The following ERAP1 variants were observed in gnomAD, a reference collection of about 807,000 sequenced individuals.
The protein encoded by ERAP1 is adipocyte-derived leucine aminopeptidase.
Under a neutral mutation model 103.7 loss-of-function variants are expected in ERAP1, and 86 were observed. The observed-to-expected ratio is 0.83, with a 90% confidence interval of 0.70 to 0.99. The LOEUF (loss-of-function observed/expected upper bound fraction) is 0.99, where lower values mean the gene tolerates loss of function less well. Ranked by LOEUF, ERAP1 falls within the 50% of genes least tolerant of loss-of-function variation. The pLI, the probability that ERAP1 is intolerant of heterozygous loss-of-function variation, is 0.00. For synonymous variants in ERAP1, 398 were observed against 402.4 expected (o/e 0.99, Z 0.13); for missense variants, 1,009 against 1,128.4 (o/e 0.89, Z 1.52).
At chr5:96,788,733 C>CT (rs1776385809) in intron 10 of ERAP1, 48 bp from the exon 11 acceptor site, 1 of 1,604,910 alleles carries the variant, frequency 6.2e-7, no homozygotes, top group African/African-American at 1.3e-5. Context: ...TAACCCAACT[C>CT]TAAGAAAAGA....
the ERAP1 span, among the ~76,000 whole-genome samples, chr5:96,863,467 T>C: frequency 1.3e-5 from 2 of 152,174 alleles, no homozygotes; most frequent in East Asian, 1.9e-4. Context: ...TTCATTTGTG[T>C]CTCCTGATCA....
the ERAP1 span, among the ~76,000 whole-genome samples, chr5:96,888,453 C>A: frequency 6.6e-6 from 1 of 152,188 alleles, no homozygotes. Context: ...TAAAATGGCA[C>A]CTGCTTCATA....
At chr5:96,916,251 A>C in the ERAP1 span, among the ~76,000 whole-genome samples, 13 of 151,750 alleles carry the variant, frequency 8.6e-5, no homozygotes, top group South Asian at 6.3e-4. Context: ...CAAAAACAAA[A>C]AACAACAGCA....
At chr5:96,904,034 G>A in the ERAP1 span, among the ~76,000 whole-genome samples, 12 of 152,096 alleles carry the variant, frequency 7.9e-5, no homozygotes, top group Non-Finnish European at 1.3e-4. Context: ...ACCAAATACC[G>A]GTGTAATCTC....
chr5:96,873,415 A>G, the ERAP1 span: 1 of 455,810 alleles, frequency 2.2e-6, no homozygotes, highest in Non-Finnish European at 4.4e-6. Flanking sequence ...TGTTAGCCTC[A>G]GATGAGTGCC....
the ERAP1 span, among the ~76,000 whole-genome samples, chr5:96,887,100 TACACACAC>T: frequency 3.5e-3 from 478 of 137,384 alleles, 7 homozygotes; most frequent in Admixed American, 0.022. Flanking sequence ...TATATATATA[TACACACAC>T]ACACACACAC....
At chr5:96,925,382 T>C in the ERAP1 span, among the ~76,000 whole-genome samples, 3 of 152,166 alleles carry the variant, frequency 2.0e-5, no homozygotes, top group Non-Finnish European at 2.9e-5. Flanking sequence ...GAGGCAGAAT[T>C]TGAACCCTTA....
chr5:96,811,433 T>C (rs1779149714), upstream of ERAP1, among the ~76,000 whole-genome samples: 1 of 152,212 alleles, frequency 6.6e-6, no homozygotes, highest in African/African-American at 2.4e-5. Flanking sequence ...GGATTAGAGA[T>C]GTGAAGTGAC....
chr5:96,888,423 T>A, the ERAP1 span, among the ~76,000 whole-genome samples: 1 of 152,222 alleles, frequency 6.6e-6, no homozygotes, highest in Non-Finnish European at 1.5e-5. Flanking sequence ...AATCATTATG[T>A]GTTTTTATTG....
the ERAP1 span, among the ~76,000 whole-genome samples, chr5:96,859,771 A>T: frequency 6.6e-6 from 1 of 152,330 alleles, no homozygotes; most frequent in African/African-American, 2.4e-5. Flanking sequence ...CAAGCCTAGT[A>T]GTACTTATGG....
the ERAP1 span, chr5:96,917,311 G>T: frequency 1.9e-6 from 1 of 533,550 alleles, no homozygotes; most frequent in Admixed American, 3.7e-5. Context: ...GTAGAGTCAG[G>T]GGTTCTGGCA....
At chr5:96,873,728 C>T in the ERAP1 span, 2 of 321,860 alleles carry the variant, frequency 6.2e-6, no homozygotes, top group Non-Finnish European at 1.2e-5. Context: ...TGCATTCACC[C>T]ACTCAACTAA....
the ERAP1 span, chr5:96,813,913 A>T: frequency 1.7e-5 from 3 of 173,008 alleles, no homozygotes; most frequent in Non-Finnish European, 3.7e-5. Context: ...TTTCCTTGTC[A>T]CTTTTTACTA....
the ERAP1 span, among the ~76,000 whole-genome samples, chr5:96,920,301 T>C: frequency 1.6e-5 from 2 of 125,182 alleles, no homozygotes; most frequent in Admixed American, 1.5e-4. Context: ...CTAGACCCTG[T>C]CATTTAAAAA....
chr5:96,823,565 T>C, the ERAP1 span, among the ~76,000 whole-genome samples: 2 of 152,206 alleles, frequency 1.3e-5, no homozygotes, highest in Non-Finnish European at 2.9e-5. Context: ...GTGCAAGAAA[T>C]ACACATTTTC....
At chr5:96,825,948 C>T in the ERAP1 span, among the ~76,000 whole-genome samples, 2 of 152,070 alleles carry the variant, frequency 1.3e-5, no homozygotes, top group Admixed American at 1.3e-4. Flanking sequence ...CCTTATTTAT[C>T]TTTGTATCCC....
At chr5:96,877,960 A>C in the ERAP1 span, among the ~76,000 whole-genome samples, 2 of 152,242 alleles carry the variant, frequency 1.3e-5, no homozygotes, top group African/African-American at 4.8e-5. Context: ...AATGCTGCAG[A>C]ACTTGTTAAG....
the ERAP1 span, chr5:96,919,563 T>C: frequency 2.0e-5 from 3 of 152,288 alleles, no homozygotes; most frequent in Admixed American, 6.5e-5. Flanking sequence ...TTATTTACAA[T>C]ATTGTTAAAT....
Position 96,783,168 on chromosome 5 carries a change from G to A in ERAP1, c.2168C>T (p.Ser723Leu). The change falls in exon 15 of 19, where the codon TCA becomes TTA. Residue 723 changes from serine (S) to leucine (L), a missense_variant. Transcript: ENST00000443439. The stretch of plus-strand genomic sequence containing the variant: ...TAGTTGACTCCGCAGCATTCGCTCT[G>A]AGACTGAGCCCTCGTCTGTCCATGT... ...KQTWTDEGSV[S>L]ERMLRSQLLL... The A allele has an allele frequency of 6.2e-7, 1 of 1,614,202 alleles. No homozygotes were observed. Among genetic ancestry groups the A allele is most frequent in the Non-Finnish European group, 8.5e-7 (1 of 1,180,026 alleles).
Sources: allele counts gnomAD v4.1 joint callset (sites outside exome capture counted in the v4.1 genomes callset), GRCh38; gene constraint gnomAD v4.1.1; transcripts MANE v1.5; gene names NCBI Gene and HGNC (gene_info 2026-07-23, HGNC 2026-07-21).